Variants in CELF1 observed in about 807,000 individuals in gnomAD.
The protein encoded by CELF1 is 50 kDa nuclear polyadenylated RNA-binding protein.
In CELF1, 10 loss-of-function variants were observed where a neutral mutation model predicts 61.8. That is an observed-to-expected ratio of 0.16 (90% CI 0.10 to 0.27). The LOEUF (loss-of-function observed/expected upper bound fraction) is 0.27, where lower values mean the gene tolerates loss of function less well. CELF1 is among the 10% of genes least tolerant of loss of function. CELF1 has a pLI of 1.00. For missense variants in CELF1, 380 were observed against 639.1 expected (o/e 0.59, Z 4.37); for synonymous variants, 236 against 225.1 (o/e 1.05, Z -0.43).
chr11:47,485,118 G>T (rs999262664), intron 6 of CELF1, among the ~76,000 whole-genome samples: 2 of 152,172 alleles, frequency 1.3e-5, no homozygotes, highest in Non-Finnish European at 2.9e-5. Context: ...GAATAATCAG[G>T]TTTACTTCAA....
chr11:47,539,765 C>T (rs1433476991), intron 1 of CELF1, among the ~76,000 whole-genome samples: 1 of 152,200 alleles, frequency 6.6e-6, no homozygotes, highest in Non-Finnish European at 1.5e-5. Flanking sequence ...CAGATTTTTG[C>T]TCTGCATGTG....
chr11:47,481,365 GGCGATCCACTCACCTCA>G (rs1219832000), intron 9 of CELF1, among the ~76,000 whole-genome samples: 5 of 151,940 alleles, frequency 3.3e-5, no homozygotes, highest in South Asian at 2.1e-4. Context: ...CCCAACCTCA[GGCGATCCACTCACCTCA>G]GCCTCCCAAA....
chr11:47,473,987 A>G (rs1166549), intron 13 of CELF1, among the ~76,000 whole-genome samples: 1 of 151,880 alleles, frequency 6.6e-6, no homozygotes, highest in Non-Finnish European at 1.5e-5. Context: ...GGTCACTGCA[A>G]CCTCCGCCTC....
In CELF1 at chr11:47,475,267, T is replaced by G. The variant is rs186512472; in HGVS notation, c.1273+69A>C. The G allele has an allele frequency of 5.4e-6, 8 of 1,489,510 alleles. No homozygotes were observed. In the Admixed American group the frequency reaches 1.0e-4, roughly 19 times the overall value. The allele number at this position is 1,489,510 out of a possible 1,614,324, so 92.3% of individuals were successfully genotyped here. ...TAACTGGTTCCCTCAGCCTTTGCTC[T>G]GCCTTTCCGTTCTGGTATAGGAGGA... On this transcript the variant is annotated intron_variant, in intron 13 of 14. Coordinates refer to ENST00000687097, the MANE Select transcript of CELF1 (RefSeq NM_001376376.1).
chr11:47,543,734 C>T (rs572955557), intron 1 of CELF1, among the ~76,000 whole-genome samples: 3 of 151,646 alleles, frequency 2.0e-5, no homozygotes, highest in South Asian at 2.1e-4. Flanking sequence ...ATAGCGGACC[C>T]GTGGACCCCT....
intron 1 of CELF1, among the ~76,000 whole-genome samples, chr11:47,518,104 C>T (rs61895105): frequency 1.4e-4 from 21 of 152,044 alleles, no homozygotes; most frequent in Non-Finnish European, 2.8e-4. Context: ...TAAAGAAAAA[C>T]CTCAACTCAT....
chr11:47,482,861 G>T lies in CELF1; in HGVS notation c.607-5C>A. ...CACCATGGGTGATGAGCAACCCTGT[G>T]AAAAGACCATAACGAAAGGGTCAAA... On this transcript the variant is annotated splice_region_variant and splice_polypyrimidine_tract_variant and intron_variant, in intron 8 of 14. Transcript: ENST00000687097. 6.2e-7 allele frequency: 1 copy of T among 1,611,444 alleles called. No homozygotes were observed. Among genetic ancestry groups the T allele is most frequent in the Non-Finnish European group, 8.5e-7 (1 of 1,178,850 alleles).
intron 3 of CELF1, among the ~76,000 whole-genome samples, chr11:47,495,450 G>T (rs2092900516): frequency 6.6e-6 from 1 of 152,142 alleles, no homozygotes; most frequent in Non-Finnish European, 1.5e-5. Flanking sequence ...TCTTTTAAGG[G>T]TGATGAAATG....
chr11:47,544,358 G>C (rs79536819), intron 1 of CELF1, among the ~76,000 whole-genome samples: 1,971 of 152,252 alleles, frequency 0.013, 38 homozygotes, highest in African/African-American at 0.044. Flanking sequence ...TCAGTGCCTA[G>C]CATAAGTTAC....
At chr11:47,531,957 A>C (rs923109793) in intron 1 of CELF1, among the ~76,000 whole-genome samples, 40 of 152,348 alleles carry the variant, frequency 2.6e-4, no homozygotes, top group African/African-American at 9.1e-4. Context: ...CATGACTGAC[A>C]AGCATGACTT....
chr11:47,554,294 C>T (rs1244425056), upstream of CELF1, among the ~76,000 whole-genome samples: 1 of 152,138 alleles, frequency 6.6e-6, no homozygotes, highest in Non-Finnish European at 1.5e-5. Flanking sequence ...ATTCATAATG[C>T]TGATATATGA....
intron 1 of CELF1, among the ~76,000 whole-genome samples, chr11:47,539,368 A>G (rs1222669318): frequency 2.0e-5 from 3 of 152,164 alleles, no homozygotes; most frequent in Non-Finnish European, 4.4e-5. Context: ...ACTCTTCCCA[A>G]CAGCTGGGTG....
intron 3 of CELF1, among the ~76,000 whole-genome samples, chr11:47,498,740 T>A (rs992481648): frequency 6.6e-6 from 1 of 152,186 alleles, no homozygotes; most frequent in African/African-American, 2.4e-5. Context: ...AACTCAGGGT[T>A]AGGTTAGCAT....
intron 8 of CELF1, 119 bp from the exon 9 acceptor site, chr11:47,482,975 C>G (rs1490060785): frequency 6.7e-6 from 6 of 892,576 alleles, no homozygotes; most frequent in Non-Finnish European, 1.0e-5. Flanking sequence ...AATGATTCTC[C>G]TCATGATAGA....
At chr11:47,495,970 A>G in intron 3 of CELF1, 1 of 985,188 alleles carries the variant, frequency 1.0e-6, no homozygotes, top group Non-Finnish European at 1.2e-6. Context: ...CAGCAGGCAA[A>G]AATACTTGTT....
chr11:47,545,798 T>C (rs924143226), intron 1 of CELF1, among the ~76,000 whole-genome samples: 2 of 151,422 alleles, frequency 1.3e-5, no homozygotes, highest in African/African-American at 4.9e-5. Flanking sequence ...TCCAAAGTGC[T>C]GGGATTACAG....
intron 1 of CELF1, among the ~76,000 whole-genome samples, chr11:47,541,874 C>A (rs2096814790): frequency 6.6e-6 from 1 of 150,978 alleles, no homozygotes; most frequent in Non-Finnish European, 1.5e-5. Flanking sequence ...AAAAGTATAA[C>A]AGTACAAAAT....
At chr11:47,545,495 G>C (rs2096910161) in intron 1 of CELF1, among the ~76,000 whole-genome samples, 2 of 151,900 alleles carry the variant, frequency 1.3e-5, no homozygotes, top group Admixed American at 1.3e-4. Flanking sequence ...ATTATTAAGA[G>C]GTTAATAACA....
chr11:47,558,191 G>A (rs1343980245), intron 2 of CELF1, among the ~76,000 whole-genome samples: 1 of 151,892 alleles, frequency 6.6e-6, no homozygotes, highest in East Asian at 1.9e-4. Flanking sequence ...TTACATTCAG[G>A]CGGTGCTGCG....
Sources: allele counts gnomAD v4.1 joint callset (sites outside exome capture counted in the v4.1 genomes callset), GRCh38; gene constraint gnomAD v4.1.1; transcripts MANE v1.5; gene names NCBI Gene and HGNC (gene_info 2026-07-23, HGNC 2026-07-21).